ZNF148: variants seen among roughly 807,000 people sequenced by gnomAD.
The protein encoded by ZNF148 is zinc finger protein 148, also known as Beta-Enolase Repressor Factor-1.
In ZNF148, 7 loss-of-function variants were observed where a neutral mutation model predicts 67.7. That is an observed-to-expected ratio of 0.10 (90% CI 0.06 to 0.19). The LOEUF (loss-of-function observed/expected upper bound fraction) is 0.19. Ranked by LOEUF, ZNF148 falls within the 10% of genes least tolerant of loss-of-function variation. The probability of loss-of-function intolerance (pLI) is 1.00; values close to 1 mark genes in which losing one functional copy is unlikely to be tolerated. For missense variants in ZNF148, 583 were observed against 947.1 expected (o/e 0.62, Z 5.05); for synonymous variants, 333 against 330.7 (o/e 1.01, Z -0.08).
intron 4 of ZNF148, among the ~76,000 whole-genome samples, chr3:125,309,154 T>C (rs1940059837): frequency 6.6e-6 from 1 of 152,210 alleles, no homozygotes; most frequent in Non-Finnish European, 1.5e-5. Context: ...TGATGGATTA[T>C]GGATTATACA....
At chr3:125,277,402 T>C (rs541226745) in intron 7 of ZNF148, among the ~76,000 whole-genome samples, 116 of 152,306 alleles carry the variant, frequency 7.6e-4, no homozygotes, top group Non-Finnish European at 2.2e-4. Context: ...ATTTGCTTCC[T>C]ACCCCAGACT....
chr3:125,256,975 T>G (rs1413031911), intron 7 of ZNF148, among the ~76,000 whole-genome samples: 3 of 150,988 alleles, frequency 2.0e-5, no homozygotes, highest in East Asian at 1.9e-4. Context: ...CAGTTTTTTT[T>G]TTTTTTTTTT....
intron 2 of ZNF148, among the ~76,000 whole-genome samples, chr3:125,326,679 A>C (rs1006606398): frequency 6.8e-6 from 1 of 148,102 alleles, no homozygotes; most frequent in African/African-American, 2.5e-5. Flanking sequence ...GAGTATATAT[A>C]TATATACTTG....
Position 125,233,269 on chromosome 3 carries a change from T to C in ZNF148, c.1457A>G (p.Glu486Gly). The stretch of plus-strand genomic sequence containing the variant: ...TATGGTACCCACATTCAGCGCATAT[T>C]CCCTGCTGTTGTTACTTGCTGCTTG... ...YLQAASNNSR[E>G]YALNVGTIAS... Residue 486 changes from glutamate (E) to glycine (G), a missense_variant, in exon 9 of 9, where the codon GAA becomes GGA. Physicochemically the swap from Glu to Gly is moderately conservative, Grantham distance 98 (BLOSUM62 -2). Around this residue, in one of 5 missense-constraint regions of ZNF148, gnomAD observed 172 missense variants for 307.7 expected, o/e 0.56. Transcript: ENST00000360647. This position sits in a 1 kb window ranked among gnomAD's most constrained non-coding sequence, Gnocchi z 5.1. 6.2e-7 allele frequency: 1 copy of C among 1,613,896 alleles called. No homozygotes were observed. The highest frequency in any genetic ancestry group is 8.5e-7 in the Non-Finnish European group (1 of 1,179,898).
In ZNF148 at chr3:125,233,598, C is replaced by T. The variant is rs1052425840; in HGVS notation, c.1128G>A (p.Ser376=). The change falls in exon 9 of 9, where the codon TCG becomes TCA. Residue 376 remains serine, a synonymous_variant. Coordinates refer to ENST00000360647, the MANE Select transcript of ZNF148 (RefSeq NM_021964.3). This position sits in a 1 kb window ranked among gnomAD's most constrained non-coding sequence, Gnocchi z 5.1. ...VEMPHSSVGG[S]HLEDASGEIH... Reference sequence around the variant, plus strand: ...TTTCTCCTGACGCATCTTCTAAATGCGAGCCCCCAACTGACGAATGTGGCA... The same window carrying T: ...TTTCTCCTGACGCATCTTCTAAATGTGAGCCCCCAACTGACGAATGTGGCA... The T allele has an allele frequency of 1.2e-5, 20 of 1,613,910 alleles. No individual in the cohort carries two copies. Among genetic ancestry groups the T allele is most frequent in the Non-Finnish European group, 1.7e-5 (20 of 1,179,920 alleles).
At chr3:125,274,899 ATTC>A (rs1937965648) in intron 7 of ZNF148, among the ~76,000 whole-genome samples, 1 of 152,220 alleles carries the variant, frequency 6.6e-6, no homozygotes, top group Non-Finnish European at 1.5e-5. Flanking sequence ...ATTTAAATGC[ATTC>A]TTCTAAACTA....
At chr3:125,341,332 AGCAAAGCCAGCT>A (rs1454615180) in intron 1 of ZNF148, among the ~76,000 whole-genome samples, 2 of 149,984 alleles carry the variant, frequency 1.3e-5, no homozygotes, top group Admixed American at 1.3e-4. Flanking sequence ...AAAAAAAAAA[AGCAAAGCCAGCT>A]GCAGTAGCTC....
Position 125,294,515 on chromosome 3 carries a change from G to C in ZNF148, c.334-6287C>G, listed in dbSNP as rs372135429. 2.6e-5 allele frequency among the ~76,000 whole-genome samples: 4 copies of C among 152,240 alleles called. No homozygotes were observed. In the East Asian group the frequency reaches 7.7e-4, roughly 29 times the overall value. On this transcript the variant is annotated intron_variant, in intron 4 of 8. Transcript: ENST00000360647. ...TATTTCAAAATGAAAAGTTAAACTA[G>C]ACTCTGATTTTTCTAACTACAAAAA...
At position 125,346,745 on chromosome 3, in the gene ZNF148, T is replaced by C. The variant is rs369710075; in HGVS notation, c.-233-15507A>G. On this transcript the variant is annotated intron_variant, in intron 1 of 8. Transcript: ENST00000360647. ...CTTCATCTTCTGCCATATTTGTAAG[T>C]TTCTTCAGGCCTCCCCAGCCAATTA... Among the ~76,000 whole-genome samples, 33 of 152,296 alleles carry C rather than the reference T, an allele frequency of 2.2e-4. 1 individual carries two copies. Among genetic ancestry groups the C allele is most frequent in the African/African-American group, 7.7e-4 (32 of 41,564 alleles).
At chr3:125,326,848 A>T (rs1171410519) in intron 2 of ZNF148, among the ~76,000 whole-genome samples, 1 of 141,226 alleles carries the variant, frequency 7.1e-6, no homozygotes, top group African/African-American at 2.6e-5. Context: ...ATACAGATAT[A>T]TATGTATATA....
intron 3 of ZNF148, among the ~76,000 whole-genome samples, chr3:125,314,038 T>C (rs1392613851): frequency 6.6e-6 from 1 of 152,012 alleles, no homozygotes; most frequent in East Asian, 1.9e-4. Context: ...CAGAACATCA[T>C]CAAGCAAATC....
chr3:125,319,037 A>G (rs1462774643), intron 3 of ZNF148, among the ~76,000 whole-genome samples: 1 of 151,680 alleles, frequency 6.6e-6, no homozygotes, highest in Non-Finnish European at 1.5e-5. Context: ...CTTCCTATTG[A>G]CACGTGTTTA....
intron 2 of ZNF148, among the ~76,000 whole-genome samples, chr3:125,329,352 T>C (rs1941178809): frequency 7.9e-6 from 1 of 126,524 alleles, no homozygotes; most frequent in Admixed American, 7.9e-5. Flanking sequence ...AAATTTTACA[T>C]ATATAAAATT....
intron 4 of ZNF148, among the ~76,000 whole-genome samples, chr3:125,303,826 T>C (rs1236101006): frequency 6.6e-6 from 1 of 151,966 alleles, no homozygotes; most frequent in African/African-American, 2.4e-5. Context: ...TCCACAAAAC[T>C]GGTCCCTGGT....
At chr3:125,271,041 T>C (rs570980612) in intron 7 of ZNF148, among the ~76,000 whole-genome samples, 2 of 152,334 alleles carry the variant, frequency 1.3e-5, no homozygotes, top group African/African-American at 4.8e-5. Flanking sequence ...TATTTTAGCA[T>C]AAAAATATTA....
chr3:125,281,425 G>A (rs1938377996), intron 5 of ZNF148, among the ~76,000 whole-genome samples: 1 of 151,994 alleles, frequency 6.6e-6, no homozygotes, highest in Admixed American at 6.6e-5. Flanking sequence ...TATATAAAAT[G>A]GAACTAAAAA....
At chr3:125,352,662 TAAAAA>T (rs34630272) in intron 1 of ZNF148, among the ~76,000 whole-genome samples, 1 of 138,030 alleles carries the variant, frequency 7.2e-6, no homozygotes, top group East Asian at 2.1e-4. Context: ...ACCTCTATCT[TAAAAA>T]AAAAAAAAAA....
intron 1 of ZNF148, among the ~76,000 whole-genome samples, chr3:125,356,430 G>A (rs1469984596): frequency 1.3e-5 from 2 of 152,090 alleles, no homozygotes; most frequent in Non-Finnish European, 2.9e-5. Context: ...CTGAAAATCT[G>A]CCCAGAAACA....
intron 1 of ZNF148, among the ~76,000 whole-genome samples, chr3:125,341,660 A>G (rs1037223159): frequency 6.6e-6 from 1 of 152,174 alleles, no homozygotes; most frequent in Non-Finnish European, 1.5e-5. Context: ...AAATTAAGAC[A>G]ACTAAAAAGT....
Sources: gnomAD v4.1 joint callset for allele counts (sites outside exome capture counted in the v4.1 genomes callset) on GRCh38, gnomAD v4.1.1 for gene constraint, gnomAD v4.1.1 regional missense constraint, Gnocchi (gnomAD v3.1) non-coding constraint, MANE v1.5 for transcripts, NCBI Gene and HGNC (gene_info 2026-07-23, HGNC 2026-07-21) for gene names.